Variants in EXOC4 observed in about 807,000 individuals in gnomAD.
EXOC4 encodes SEC8-like 1.
A neutral mutation model predicts 107.2 loss-of-function variants in EXOC4; 71 were observed. The observed-to-expected ratio is 0.66, with a 90% confidence interval of 0.55 to 0.81. The LOEUF (loss-of-function observed/expected upper bound fraction) is 0.81, where lower values mean the gene tolerates loss of function less well. Ranked by LOEUF, EXOC4 falls within the 30% of genes least tolerant of loss-of-function variation. The pLI, the probability that EXOC4 is intolerant of heterozygous loss-of-function variation, is 0.00. For missense variants in EXOC4, 1,108 were observed against 1,189.6 expected (o/e 0.93, Z 1.01); for synonymous variants, 456 against 441.2 (o/e 1.03, Z -0.42).
At chr7:133,900,837 C>G (rs2116551900) in intron 12 of EXOC4, among the ~76,000 whole-genome samples, 1 of 152,278 alleles carries the variant, frequency 6.6e-6, no homozygotes, top group African/African-American at 2.4e-5. Context: ...TTGTAAAACA[C>G]AAATTCAGGA....
intron 13 of EXOC4, among the ~76,000 whole-genome samples, chr7:133,928,201 T>C (rs929825633): frequency 2.6e-5 from 4 of 152,198 alleles, no homozygotes; most frequent in African/African-American, 9.7e-5. Flanking sequence ...AATGCAATTC[T>C]TCCAAGGTAG....
At chr7:133,365,652 T>A (rs1240031122) in intron 6 of EXOC4, among the ~76,000 whole-genome samples, 2 of 152,184 alleles carry the variant, frequency 1.3e-5, no homozygotes, top group African/African-American at 4.8e-5. Flanking sequence ...AGTAACCCCT[T>A]TTTACATGAA....
intron 10 of EXOC4, among the ~76,000 whole-genome samples, chr7:133,682,336 A>G (rs754403357): frequency 6.6e-6 from 1 of 152,156 alleles, no homozygotes; most frequent in South Asian, 2.1e-4. Context: ...CACCCATAGT[A>G]ATTTGAAAAG....
At chr7:133,627,606 T>C (rs938070298) in intron 9 of EXOC4, among the ~76,000 whole-genome samples, 2 of 152,224 alleles carry the variant, frequency 1.3e-5, no homozygotes, top group African/African-American at 4.8e-5. Context: ...GGAAATATGT[T>C]GTTAAAGAAG....
At chr7:133,480,624 A>G (rs934150040) in intron 9 of EXOC4, 3 of 166,316 alleles carry the variant, frequency 1.8e-5, no homozygotes, top group African/African-American at 7.2e-5. Context: ...TTTGATACCC[A>G]TGTATAGTTA....
At chr7:133,429,229 A>G (rs913407411) in intron 7 of EXOC4, among the ~76,000 whole-genome samples, 2 of 152,172 alleles carry the variant, frequency 1.3e-5, no homozygotes, top group Non-Finnish European at 2.9e-5. Context: ...TTTTGAATCA[A>G]TCTTGATGTT....
chr7:133,664,093 T>G (rs1793758183), intron 10 of EXOC4, among the ~76,000 whole-genome samples: 1 of 152,174 alleles, frequency 6.6e-6, no homozygotes. Context: ...ACTTGCTCCC[T>G]TAATACCTTT....
At chr7:133,459,109 T>C (rs1798530481) in intron 7 of EXOC4, among the ~76,000 whole-genome samples, 1 of 152,180 alleles carries the variant, frequency 6.6e-6, no homozygotes, top group South Asian at 2.1e-4. Context: ...CTTAAGCAAT[T>C]AGCAGAGAAC....
intron 17 of EXOC4, among the ~76,000 whole-genome samples, chr7:134,041,818 T>C (rs2116531185): frequency 6.6e-6 from 1 of 152,320 alleles, no homozygotes; most frequent in East Asian, 1.9e-4. Flanking sequence ...TTTAACTGGA[T>C]TTAAAGGGCT....
chr7:133,869,491 G>T (rs376648684), intron 11 of EXOC4, among the ~76,000 whole-genome samples: 7 of 152,110 alleles, frequency 4.6e-5, no homozygotes, highest in Non-Finnish European at 7.4e-5. Flanking sequence ...CATGGAGGAG[G>T]TATTTAATAA....
In EXOC4 at chr7:134,064,275, T is replaced by G. The variant is rs1308372472; in HGVS notation, c.2688-16T>G. On this transcript the variant is annotated splice_polypyrimidine_tract_variant and intron_variant, in intron 17 of 17. Transcript: ENST00000253861. The stretch of plus-strand genomic sequence containing the variant: ...AGTGGGGAGCCAGTGAGCAGTGTTC[T>G]CTCTTGCTTTCTCAGGCAGTACTAC... The G allele has an allele frequency of 7.1e-7, 1 of 1,414,786 alleles. No individual in the cohort carries two copies. The highest frequency in any genetic ancestry group is 9.3e-7 in the Non-Finnish European group (1 of 1,071,354). The allele number at this position is 1,414,786 out of a possible 1,614,324, so 87.6% of individuals were successfully genotyped here.
intron 4 of EXOC4, among the ~76,000 whole-genome samples, chr7:133,310,178 A>G (rs2150573044): frequency 6.6e-6 from 1 of 152,260 alleles, no homozygotes; most frequent in East Asian, 1.9e-4. Flanking sequence ...ATCAATAGAG[A>G]AGACAAAAAT....
At chr7:133,516,594 G>GT (rs931788264) in intron 9 of EXOC4, among the ~76,000 whole-genome samples, 6 of 151,888 alleles carry the variant, frequency 4.0e-5, no homozygotes, top group Non-Finnish European at 7.4e-5. Context: ...GGGCATTTGT[G>GT]TTTTTTCCAA....
At chr7:133,505,133 A>C (rs1020547929) in intron 9 of EXOC4, among the ~76,000 whole-genome samples, 2 of 152,152 alleles carry the variant, frequency 1.3e-5, no homozygotes, top group Non-Finnish European at 2.9e-5. Flanking sequence ...TTGTTGAAGA[A>C]GAGTAGCTTG....
chr7:133,424,512 C>T (rs913910729), intron 7 of EXOC4, among the ~76,000 whole-genome samples: 1 of 151,970 alleles, frequency 6.6e-6, no homozygotes, highest in South Asian at 2.1e-4. Flanking sequence ...TAACACTCAC[C>T]GTGAGGGTCC....
intron 7 of EXOC4, among the ~76,000 whole-genome samples, chr7:133,469,103 T>G (rs1409798283): frequency 6.6e-6 from 1 of 152,150 alleles, no homozygotes; most frequent in Non-Finnish European, 1.5e-5. Context: ...TGTAAATCAC[T>G]GAATACGTGA....
At chr7:133,772,009 C>T (rs1030926964) in intron 10 of EXOC4, among the ~76,000 whole-genome samples, 5 of 151,974 alleles carry the variant, frequency 3.3e-5, no homozygotes, top group Non-Finnish European at 7.4e-5. Context: ...TAATTAGATA[C>T]TGTCTGCAGC....
chr7:134,080,541 G>T, the EXOC4 span, among the ~76,000 whole-genome samples: 1 of 152,068 alleles, frequency 6.6e-6, no homozygotes, highest in African/African-American at 2.4e-5. Flanking sequence ...TGGATTGGAA[G>T]GCAGATGGCA....
intron 12 of EXOC4, among the ~76,000 whole-genome samples, chr7:133,897,202 T>C (rs1381653596): frequency 2.0e-5 from 3 of 151,840 alleles, no homozygotes; most frequent in Non-Finnish European, 2.9e-5. Flanking sequence ...CATAGATTAA[T>C]GCTTATCCTT....
Sources: gnomAD v4.1 joint callset for allele counts (sites outside exome capture counted in the v4.1 genomes callset) on GRCh38, gnomAD v4.1.1 for gene constraint, MANE v1.5 for transcripts, NCBI Gene and HGNC (gene_info 2026-07-23, HGNC 2026-07-21) for gene names.